The following LYRM4 variants were observed in gnomAD, a reference collection of about 807,000 sequenced individuals.
The protein encoded by LYRM4 is LYR motif containing 4.
A neutral mutation model predicts 11.7 loss-of-function variants in LYRM4; 9 were observed. That is an observed-to-expected ratio of 0.77 (90% CI 0.46 to 1.34). The LOEUF is 1.34. LYRM4 is among the 40% of genes most tolerant of loss of function. The probability of loss-of-function intolerance (pLI) is 0.00; values close to 1 mark genes in which losing one functional copy is unlikely to be tolerated. For synonymous variants in LYRM4, 42 were observed against 40.4 expected (o/e 1.04, Z -0.15); for missense variants, 133 against 112.5 (o/e 1.18, Z -0.82).
the LYRM4 span, chr6:5,065,668 A>G: frequency 6.5e-6 from 1 of 153,612 alleles, no homozygotes; most frequent in Non-Finnish European, 1.5e-5. Flanking sequence ...AGGAGAAATG[A>G]TCTACGTGTC....
At chr6:5,251,515 G>C (rs544751887) in intron 1 of LYRM4, among the ~76,000 whole-genome samples, 1 of 152,162 alleles carries the variant, frequency 6.6e-6, no homozygotes, top group Non-Finnish European at 1.5e-5. Context: ...TCACAGGCCA[G>C]AGCAGGAGCA....
the LYRM4 span, among the ~76,000 whole-genome samples, chr6:5,050,339 G>A: frequency 6.6e-6 from 1 of 152,182 alleles, no homozygotes; most frequent in Non-Finnish European, 1.5e-5. Flanking sequence ...TGGGTGTAAG[G>A]ACCCTATCCT....
the LYRM4 span, among the ~76,000 whole-genome samples, chr6:5,055,235 G>T: frequency 7.2e-5 from 11 of 152,278 alleles, no homozygotes; most frequent in East Asian, 2.1e-3. This position sits in a 1 kb window ranked among gnomAD's most constrained non-coding sequence, Gnocchi z 4.5. Flanking sequence ...GTATTTCCCT[G>T]GTAACTTCTG....
chr6:5,057,834 T>A, the LYRM4 span, among the ~76,000 whole-genome samples: 2 of 151,538 alleles, frequency 1.3e-5, no homozygotes, highest in African/African-American at 2.4e-5. Context: ...CAATCATAGC[T>A]CACTGCAGCC....
At chr6:5,085,693 C>A in the LYRM4 span, 6 of 1,547,878 alleles carry the variant, frequency 3.9e-6, no homozygotes, top group Non-Finnish European at 5.2e-6. Context: ...CCCCCAGGAG[C>A]AGGAGGAGCT....
chr6:5,125,144 C>A (rs1322692965), intron 2 of LYRM4, among the ~76,000 whole-genome samples: 1 of 152,204 alleles, frequency 6.6e-6, no homozygotes, highest in Admixed American at 6.5e-5. Context: ...GGGGCCTGTG[C>A]CCCACCTTGC....
At chr6:5,164,455 A>T (rs1048451800) in intron 2 of LYRM4, among the ~76,000 whole-genome samples, 2 of 152,242 alleles carry the variant, frequency 1.3e-5, no homozygotes, top group African/African-American at 4.8e-5. Flanking sequence ...AGCAAGACTG[A>T]TCAGATTCCA....
chr6:5,211,334 A>G (rs1008630650), intron 2 of LYRM4, among the ~76,000 whole-genome samples: 9 of 152,208 alleles, frequency 5.9e-5, no homozygotes, highest in Admixed American at 3.9e-4. Flanking sequence ...ACACTGAACC[A>G]TATAATAGCA....
At chr6:5,109,996 T>C (rs12202160) in intron 2 of LYRM4, among the ~76,000 whole-genome samples, 27,242 of 152,230 alleles carry the variant, frequency 0.18, 2,640 homozygotes, top group African/African-American at 0.23. Flanking sequence ...TCTGAGTGCC[T>C]GCACCTCCTG....
At chr6:5,167,701 G>A (rs935205268) in intron 2 of LYRM4, among the ~76,000 whole-genome samples, 8 of 152,116 alleles carry the variant, frequency 5.3e-5, no homozygotes, top group African/African-American at 1.9e-4. Flanking sequence ...GTTTCTTAAT[G>A]GTGTACTCTT....
Position 5,216,867 on chromosome 6 carries a change from C to A in LYRM4, c.87-129G>T. 14 of 1,148,672 alleles carry A rather than the reference C, an allele frequency of 1.2e-5. No homozygotes were observed. The South Asian group carries it at 2.0e-4, about 16-fold the overall frequency. 71.2% of individuals were successfully genotyped at this position (1,148,672 alleles called of 1,614,324 possible). ...TCCCCTACGGATAATCCACTTTGAT[C>A]TTTGCTCGTGGCGCAGGCTGATCCA... is the stretch of plus-strand genomic sequence containing the variant. On this transcript the variant is annotated intron_variant, in intron 1 of 2. Transcript: ENST00000330636.
intron 2 of LYRM4, among the ~76,000 whole-genome samples, chr6:5,147,414 A>C (rs1014836829): frequency 6.6e-6 from 1 of 152,208 alleles, no homozygotes; most frequent in Non-Finnish European, 1.5e-5. Context: ...ACCAGTAAAC[A>C]ATCACTGCAG....
At chr6:5,246,203 C>T (rs541624728) in intron 1 of LYRM4, among the ~76,000 whole-genome samples, 5 of 152,074 alleles carry the variant, frequency 3.3e-5, no homozygotes, top group South Asian at 2.1e-4. Flanking sequence ...GGTCTACAGC[C>T]GTGTGGCACT....
chr6:5,118,956 AAC>A (rs1220874603), intron 2 of LYRM4, among the ~76,000 whole-genome samples: 1 of 152,210 alleles, frequency 6.6e-6, no homozygotes, highest in Non-Finnish European at 1.5e-5. Context: ...CATTTTATGC[AAC>A]AGAGGAGTGC....
chr6:5,138,166 T>C (rs1326072520), intron 2 of LYRM4, among the ~76,000 whole-genome samples: 1 of 152,056 alleles, frequency 6.6e-6, no homozygotes, highest in Admixed American at 6.6e-5. Context: ...AAAGAAGACA[T>C]TTCTGCCAAG....
the LYRM4 span, chr6:5,086,480 G>A: frequency 6.5e-7 from 1 of 1,537,322 alleles, no homozygotes; most frequent in Non-Finnish European, 8.7e-7. Flanking sequence ...GTCTGCTACC[G>A]CTGCGCGCAG....
chr6:5,114,254 G>T (rs79893585), intron 2 of LYRM4, among the ~76,000 whole-genome samples: 1 of 152,212 alleles, frequency 6.6e-6, no homozygotes, highest in Non-Finnish European at 1.5e-5. Flanking sequence ...CGCTAAGACT[G>T]GGGGGCAGAA....
intron 1 of LYRM4, among the ~76,000 whole-genome samples, chr6:5,226,158 G>C (rs1762880470): frequency 6.6e-6 from 1 of 152,038 alleles, no homozygotes; most frequent in South Asian, 2.1e-4. Flanking sequence ...GTGTGGTCCG[G>C]TGTACCAAAT....
At chr6:5,049,617 C>A in the LYRM4 span, among the ~76,000 whole-genome samples, 14 of 152,050 alleles carry the variant, frequency 9.2e-5, no homozygotes, top group African/African-American at 3.1e-4. Context: ...TACATAGCCT[C>A]CTTGAGTGAG....
Sources: allele counts gnomAD v4.1 joint callset (sites outside exome capture counted in the v4.1 genomes callset), GRCh38; gene constraint gnomAD v4.1.1; non-coding constraint Gnocchi (gnomAD v3.1); transcripts MANE v1.5; gene names NCBI Gene and HGNC (gene_info 2026-07-23, HGNC 2026-07-21).